CIMIP6: variants seen among roughly 807,000 people sequenced by gnomAD.
CIMIP6 encodes the protein uncharacterized protein C2orf73.
chr2:54,362,613 T>C, the CIMIP6 span, among the ~76,000 whole-genome samples: 1 of 152,344 alleles, frequency 6.6e-6, no homozygotes, highest in South Asian at 2.1e-4. Flanking sequence ...AGTGCCTTGA[T>C]CTCGGCTCAC....
the CIMIP6 span, among the ~76,000 whole-genome samples, chr2:54,377,662 T>G: frequency 2.0e-5 from 3 of 152,042 alleles, no homozygotes; most frequent in Non-Finnish European, 4.4e-5. Flanking sequence ...AAAATCCAGC[T>G]CTCTCTGTGT....
chr2:54,347,125 G>T, the CIMIP6 span, among the ~76,000 whole-genome samples: 1 of 151,880 alleles, frequency 6.6e-6, no homozygotes, highest in Admixed American at 6.6e-5. Context: ...AATAAGAAAA[G>T]AAAACAGTTG....
the CIMIP6 span, among the ~76,000 whole-genome samples, chr2:54,344,332 T>TC: frequency 2.0e-5 from 3 of 152,196 alleles, no homozygotes; most frequent in Non-Finnish European, 2.9e-5. Context: ...AAGACCCTAT[T>TC]ACTATAAATA....
At chr2:54,336,501 T>C in the CIMIP6 span, among the ~76,000 whole-genome samples, 1 of 152,354 alleles carries the variant, frequency 6.6e-6, no homozygotes, top group African/African-American at 2.4e-5. Flanking sequence ...TCCTTATTTA[T>C]GTAAGGATAG....
the CIMIP6 span, among the ~76,000 whole-genome samples, chr2:54,355,022 G>A: frequency 6.6e-6 from 1 of 151,848 alleles, no homozygotes. Flanking sequence ...TTTCAAAGTA[G>A]GTCTGTTTTG....
At chr2:54,358,394 T>C in the CIMIP6 span, among the ~76,000 whole-genome samples, 2 of 151,786 alleles carry the variant, frequency 1.3e-5, no homozygotes, top group Non-Finnish European at 2.9e-5. Flanking sequence ...AAAAAGCATA[T>C]CTAACAATTT....
the CIMIP6 span, among the ~76,000 whole-genome samples, chr2:54,335,507 GTTAA>G: frequency 1.3e-5 from 2 of 152,062 alleles, no homozygotes; most frequent in Non-Finnish European, 2.9e-5. Context: ...TTCCTTTGAG[GTTAA>G]TTAACATATC....
the CIMIP6 span, chr2:54,334,716 T>C: frequency 1.2e-6 from 1 of 833,052 alleles, no homozygotes; most frequent in African/African-American, 1.7e-5. Flanking sequence ...CTAAATTGTC[T>C]TGACTGCTGT....
At chr2:54,374,310 A>G in the CIMIP6 span, among the ~76,000 whole-genome samples, 1 of 152,186 alleles carries the variant, frequency 6.6e-6, no homozygotes, top group African/African-American at 2.4e-5. Context: ...GAGATATTTT[A>G]AGTACTGGAA....
the CIMIP6 span, chr2:54,331,065 G>C: frequency 1.3e-6 from 2 of 1,534,020 alleles, no homozygotes; most frequent in Non-Finnish European, 1.8e-6. Context: ...TTCAGGGGGA[G>C]GCCGGGATCC....
the CIMIP6 span, among the ~76,000 whole-genome samples, chr2:54,332,177 C>T: frequency 6.6e-6 from 1 of 152,152 alleles, no homozygotes; most frequent in Non-Finnish European, 1.5e-5. Context: ...GCACTTAGCT[C>T]TCTCTTCCCC....
At chr2:54,354,026 C>T in the CIMIP6 span, among the ~76,000 whole-genome samples, 132 of 152,212 alleles carry the variant, frequency 8.7e-4, no homozygotes, top group African/African-American at 3.1e-3. Context: ...GTCCACCATG[C>T]GCGCACTATT....
At chr2:54,368,781 C>T in the CIMIP6 span, among the ~76,000 whole-genome samples, 10 of 152,198 alleles carry the variant, frequency 6.6e-5, no homozygotes, top group African/African-American at 2.4e-4. Context: ...GGCATTACTC[C>T]ATGCCATGTA....
chr2:54,369,705 G>A, the CIMIP6 span, among the ~76,000 whole-genome samples: 7 of 152,120 alleles, frequency 4.6e-5, no homozygotes, highest in African/African-American at 1.7e-4. Context: ...TCTGATATAT[G>A]ATTTCCCAGG....
chr2:54,364,360 C>T, the CIMIP6 span, among the ~76,000 whole-genome samples: 1 of 152,190 alleles, frequency 6.6e-6, no homozygotes, highest in East Asian at 1.9e-4. Flanking sequence ...AAAACAAAAA[C>T]CATCATTTAT....
At chr2:54,380,449 C>T in the CIMIP6 span, among the ~76,000 whole-genome samples, 2 of 152,186 alleles carry the variant, frequency 1.3e-5, no homozygotes, top group East Asian at 3.9e-4. Context: ...TGCCTTCTCC[C>T]ACCTGGAATG....
chr2:54,358,932 C>A, the CIMIP6 span: 6 of 1,214,576 alleles, frequency 4.9e-6, no homozygotes, highest in East Asian at 2.6e-5. Flanking sequence ...AATTTTTTGT[C>A]CTGACTTCAC....
At chr2:54,371,305 T>C in the CIMIP6 span, among the ~76,000 whole-genome samples, 8 of 152,200 alleles carry the variant, frequency 5.3e-5, no homozygotes, top group East Asian at 1.9e-4. Context: ...CAAGAGGGTG[T>C]ACCCTGCAGG....
the CIMIP6 span, among the ~76,000 whole-genome samples, chr2:54,333,027 A>G: frequency 6.6e-6 from 1 of 152,192 alleles, no homozygotes; most frequent in Non-Finnish European, 1.5e-5. Flanking sequence ...AGGGTATTCA[A>G]ACAAAGCTGG....
Sources: allele counts gnomAD v4.1 joint callset (sites outside exome capture counted in the v4.1 genomes callset), GRCh38; gene constraint gnomAD v4.1.1; transcripts MANE v1.5; gene names NCBI Gene and HGNC (gene_info 2026-07-23, HGNC 2026-07-21).